RBFOX1: variants seen among roughly 807,000 people sequenced by gnomAD.
RBFOX1 encodes RNA binding fox-1 homolog 1, also known as RNA binding protein fox-1 homolog 1.
A neutral mutation model predicts 57.7 loss-of-function variants in RBFOX1; 8 were observed. The observed-to-expected ratio is 0.14, with a 90% CI of 0.08 to 0.25. The LOEUF (loss-of-function observed/expected upper bound fraction) is 0.25, where lower values mean the gene tolerates loss of function less well. Among genes scored for constraint, RBFOX1 ranks in the 10% least tolerant of loss-of-function variants. RBFOX1 has a pLI of 1.00. For synonymous variants in RBFOX1, 326 were observed against 222.4 expected (o/e 1.47, Z -4.15); for missense variants, 611 against 548.5 (o/e 1.11, Z -1.14).
At chr16:5,453,543 CAG>C in intron 1 of RBFOX1, among the ~76,000 whole-genome samples, 1 of 152,258 alleles carries the variant, frequency 6.6e-6, no homozygotes, top group African/African-American at 2.4e-5. Context: ...CCACATGGGT[CAG>C]GTGTTGTTCT....
intron 4 of RBFOX1, among the ~76,000 whole-genome samples, chr16:7,411,155 A>G (rs2149090022): frequency 6.6e-6 from 1 of 152,212 alleles, no homozygotes; most frequent in Non-Finnish European, 1.5e-5. Flanking sequence ...CATGTTGGCC[A>G]GGTTGGTCTT....
Position 7,657,952 on chromosome 16 carries a change from G to C in RBFOX1, c.890+4005G>C, listed in dbSNP as rs2066739264. ...AAGACACTGGATTTAAGGTAAATAA[G>C]ACTGGGCCCCAATATTCTACCCATA... On this transcript the variant is annotated intron_variant, in intron 12 of 15. Coordinates refer to ENST00000550418, the MANE Select transcript of RBFOX1 (RefSeq NM_018723.4). Among the ~76,000 whole-genome samples the C allele has an allele frequency of 2.6e-5, 4 of 152,194 alleles. No individual in the cohort carries two copies. In the South Asian group the frequency reaches 8.3e-4, roughly 31 times the overall value.
intron 3 of RBFOX1, among the ~76,000 whole-genome samples, chr16:6,861,338 G>A (rs1422506474): frequency 1.3e-5 from 2 of 152,062 alleles, no homozygotes; most frequent in African/African-American, 4.8e-5. Context: ...ATTGTTAAGG[G>A]CAGATGAGTA....
intron 3 of RBFOX1, among the ~76,000 whole-genome samples, chr16:6,701,542 G>A (rs1155958): frequency 0.49 from 75,285 of 152,120 alleles, 22,073 homozygotes; most frequent in Non-Finnish European, 0.64. Context: ...GAGGCCTCAG[G>A]AAGCTTCTAT....
intron 1 of RBFOX1, among the ~76,000 whole-genome samples, chr16:6,132,478 C>G (rs935003623): frequency 6.6e-6 from 1 of 152,156 alleles, no homozygotes; most frequent in East Asian, 1.9e-4. Flanking sequence ...TTGTTGCGTT[C>G]ATTTATCGAA....
At chr16:7,231,247 G>A (rs1291311399) in intron 4 of RBFOX1, among the ~76,000 whole-genome samples, 2 of 152,184 alleles carry the variant, frequency 1.3e-5, no homozygotes, top group African/African-American at 4.8e-5. Flanking sequence ...TGGTAGCTGG[G>A]CAAAGAAATA....
intron 3 of RBFOX1, among the ~76,000 whole-genome samples, chr16:6,934,104 A>G (rs905844566): frequency 7.2e-5 from 11 of 152,144 alleles, no homozygotes; most frequent in Admixed American, 3.9e-4. Context: ...GTAGTTGGCA[A>G]TGCTCCTCTG....
intron 3 of RBFOX1, among the ~76,000 whole-genome samples, chr16:6,859,175 GTATATATA>G (rs1383838091): frequency 6.6e-4 from 44 of 66,502 alleles, no homozygotes; most frequent in African/African-American, 3.3e-3. Flanking sequence ...GTATATATAT[GTATATATA>G]TGTATATATA....
At chr16:6,566,172 A>C (rs971519772) in intron 2 of RBFOX1, among the ~76,000 whole-genome samples, 2 of 152,222 alleles carry the variant, frequency 1.3e-5, no homozygotes, top group African/African-American at 4.8e-5. Context: ...CAAGTAGGCA[A>C]GGAGGTACAA....
intron 3 of RBFOX1, among the ~76,000 whole-genome samples, chr16:5,772,796 G>C (rs564722129): frequency 1.3e-5 from 2 of 152,302 alleles, no homozygotes; most frequent in South Asian, 2.1e-4. Context: ...ACAAATAATA[G>C]CCTGGTGGAA....
intron 4 of RBFOX1, among the ~76,000 whole-genome samples, chr16:5,871,485 C>T (rs1391804738): frequency 2.0e-5 from 3 of 152,212 alleles, no homozygotes; most frequent in African/African-American, 7.2e-5. Context: ...ACTCCTTCCC[C>T]TTCAAAATCA....
chr16:5,752,372 C>T (rs1305895963), intron 3 of RBFOX1, among the ~76,000 whole-genome samples: 2 of 152,140 alleles, frequency 1.3e-5, no homozygotes, highest in Non-Finnish European at 2.9e-5. Context: ...GTACAGGAAA[C>T]CCCCATGACA....
intron 4 of RBFOX1, among the ~76,000 whole-genome samples, chr16:7,279,613 A>G (rs975707480): frequency 1.3e-5 from 2 of 152,194 alleles, no homozygotes; most frequent in African/African-American, 2.4e-5. Context: ...TGTTCTGGGA[A>G]TAGAGAGGAG....
chr16:7,057,876 C>T (rs150012233), intron 4 of RBFOX1, among the ~76,000 whole-genome samples: 177 of 151,990 alleles, frequency 1.2e-3, no homozygotes, highest in Non-Finnish European at 5.6e-4. Flanking sequence ...GGCATGGTGG[C>T]GGGCGCCTGT....
chr16:6,752,146 A>T (rs1040976911), intron 3 of RBFOX1, among the ~76,000 whole-genome samples: 6 of 152,154 alleles, frequency 3.9e-5, no homozygotes, highest in Non-Finnish European at 7.3e-5. Flanking sequence ...GCATTCCATT[A>T]GTTTCAAAGT....
intron 4 of RBFOX1, among the ~76,000 whole-genome samples, chr16:7,059,654 C>G (rs1379252114): frequency 1.3e-5 from 2 of 152,148 alleles, no homozygotes; most frequent in Non-Finnish European, 2.9e-5. Context: ...ATCAAACGTA[C>G]CAGATTAATA....
At chr16:5,465,222 A>G (rs891278228) in intron 1 of RBFOX1, among the ~76,000 whole-genome samples, 1 of 152,122 alleles carries the variant, frequency 6.6e-6, no homozygotes, top group South Asian at 2.1e-4. Context: ...CTTGCCTTGT[A>G]GGTGGCCATC....
chr16:6,537,191 G>T (rs1173431971), intron 2 of RBFOX1, among the ~76,000 whole-genome samples: 2 of 152,068 alleles, frequency 1.3e-5, no homozygotes, highest in African/African-American at 4.8e-5. Flanking sequence ...CGTAGGTCTG[G>T]GTGGAGCCTG....
intron 4 of RBFOX1, among the ~76,000 whole-genome samples, chr16:7,454,487 T>C (rs2058079297): frequency 6.6e-6 from 1 of 152,236 alleles, no homozygotes; most frequent in Non-Finnish European, 1.5e-5. Flanking sequence ...TAGGCTATTA[T>C]AGATATGATC....
Sources: gnomAD v4.1 joint callset for allele counts (sites outside exome capture counted in the v4.1 genomes callset) on GRCh38, gnomAD v4.1.1 for gene constraint, MANE v1.5 for transcripts, NCBI Gene and HGNC (gene_info 2026-07-23, HGNC 2026-07-21) for gene names.